XG: variants seen among roughly 807,000 people sequenced by gnomAD.
The protein encoded by XG is glycoprotein Xg.
A neutral mutation model predicts 25.7 loss-of-function variants in XG; 24 were observed. The ratio of observed to expected loss-of-function variants is 0.93; its 90% CI spans 0.68 to 1.31. The LOEUF (loss-of-function observed/expected upper bound fraction) is 1.31. XG is among the 40% of genes most tolerant of loss of function. The probability of loss-of-function intolerance (pLI) is 0.00; values close to 1 mark genes in which losing one functional copy is unlikely to be tolerated. For synonymous variants in XG, 77 were observed against 69.2 expected (o/e 1.11, Z -0.56); for missense variants, 181 against 187.6 (o/e 0.96, Z 0.21).
rs907653000 is a variant in XG at position 2,807,733 on chromosome X, G to T, written c.419-452G>T. 3.6e-5 allele frequency among the ~76,000 whole-genome samples: 4 copies of T among 112,401 alleles called. No homozygotes were observed. In the Admixed American group the frequency reaches 3.7e-4, roughly 11 times the overall value. ...TGTGTAAATGCATGTGTGTGTGCAC[G>T]TGTGTATGCGTGCTTGTCTGCCTGT... On this transcript the variant is annotated intron_variant, in intron 8 of 10. Coordinates refer to ENST00000644266, the MANE Select transcript of XG (RefSeq NM_001141919.2).
At chrX:2,774,209 C>A (rs1414496508) in intron 2 of XG, among the ~76,000 whole-genome samples, 5 of 152,152 alleles carry the variant, frequency 3.3e-5, no homozygotes, top group African/African-American at 1.2e-4. Flanking sequence ...CCTCGTCTGC[C>A]CATCCACACT....
rs1179667048 is a variant in XG, at chrX:2,786,260, C to CTTTTTTTTTTTTTTTTTTTTTT, written c.191-3367_191-3366insTTTTTTTTTTTTTTTTTTTTTT. Among the ~76,000 whole-genome samples, 24 of 60,567 alleles carry CTTTTTTTTTTTTTTTTTTTTTT rather than the reference C, an allele frequency of 4.0e-4. 2 individuals carry two copies. The highest frequency in any genetic ancestry group is 9.8e-4 in the African/African-American group (14 of 14,217). The allele number at this position is 60,567 out of a possible 115,157, so 52.6% of individuals were successfully genotyped here. A position where few individuals can be genotyped will look rare whatever the true frequency, so the allele number is the denominator to read the frequency against. On this transcript the variant is annotated intron_variant, in intron 4 of 10. Coordinates refer to ENST00000644266, the MANE Select transcript of XG (RefSeq NM_001141919.2). ...CCCCAGCAGCTCCTATCCATGTTGT[C>CTTTTTTTTTTTTTTTTTTTTTT]TTTTTTTTTTTTTTTTTCAGACAGA...
In XG at chrX:2,809,585, A is replaced by G. The variant is rs1447880605; in HGVS notation, c.454+1365A>G. On this transcript the variant is annotated intron_variant, in intron 9 of 10. Transcript: ENST00000644266. ...ATCAGTCAGCTATGCTGTGTCACAA[A>G]AAACCCCAAAACTTAGTAGCTGGAA... is the stretch of plus-strand genomic sequence containing the variant. Among the ~76,000 whole-genome samples the G allele has an allele frequency of 7.1e-5, 8 of 112,317 alleles. No homozygotes were observed. The Admixed American group carries it at 7.5e-4, about 11-fold the overall frequency.
rs311114 is a variant in XG at position 2,756,706 on chromosome X, G to A, written c.61+4371G>A. 8.4e-4 allele frequency among the ~76,000 whole-genome samples: 128 copies of A among 151,956 alleles called. 1 individual carries two copies. In the South Asian group the frequency reaches 0.026, roughly 31 times the overall value. On this transcript the variant is annotated intron_variant, in intron 1 of 10. Transcript: ENST00000644266. ...ATTTGAAACCTGAGAGTTCCCTGACGCCCCCTCACAGGATGTGCAACAGGG... is the reference window on the plus strand; with the variant it reads ...ATTTGAAACCTGAGAGTTCCCTGACACCCCCTCACAGGATGTGCAACAGGG...
chrX:2,804,340 A>G (rs765774289), intron 7 of XG, among the ~76,000 whole-genome samples: 1 of 112,715 alleles, frequency 8.9e-6, no homozygotes, highest in East Asian at 2.8e-4. Context: ...GGTTAGAAGC[A>G]AGATAGAGTC....
intron 3 of XG, among the ~76,000 whole-genome samples, chrX:2,776,273 T>C (rs1010858520): frequency 9.2e-5 from 14 of 152,112 alleles, no homozygotes; most frequent in Non-Finnish European, 1.6e-4. Flanking sequence ...GGGGGTCTAG[T>C]GAAAACCATT....
At chrX:2,783,655 C>T (rs1003605202) in intron 4 of XG, among the ~76,000 whole-genome samples, 3 of 112,155 alleles carry the variant, frequency 2.7e-5, no homozygotes, top group Non-Finnish European at 5.6e-5. Flanking sequence ...AGACCAAGAC[C>T]CAAGGGAGGT....
chrX:2,764,135 T>C (rs311129), intron 1 of XG, among the ~76,000 whole-genome samples: 1 of 152,174 alleles, frequency 6.6e-6, no homozygotes, highest in Non-Finnish European at 1.5e-5. Flanking sequence ...GGTCCTCACT[T>C]GTGTCTTCCC....
intron 5 of XG, among the ~76,000 whole-genome samples, chrX:2,791,179 C>G: frequency 9.1e-6 from 1 of 110,377 alleles, no homozygotes; most frequent in Non-Finnish European, 1.9e-5. Flanking sequence ...TTGTGTCTCA[C>G]GAACGTGAGA....
chrX:2,770,229 T>C (rs1230827170), intron 1 of XG, among the ~76,000 whole-genome samples: 1 of 152,044 alleles, frequency 6.6e-6, no homozygotes, highest in Non-Finnish European at 1.5e-5. Context: ...ATACCACATA[T>C]TGTAGAATTC....
intron 4 of XG, among the ~76,000 whole-genome samples, chrX:2,787,638 G>C (rs1158717782): frequency 3.6e-5 from 4 of 111,382 alleles, no homozygotes; most frequent in African/African-American, 1.3e-4. Flanking sequence ...TGGGCGTGGT[G>C]GCTCATGCCT....
At position 2,756,921 on chromosome X, in the gene XG, C is replaced by T. The variant is rs188485316; in HGVS notation, c.61+4586C>T. Among the ~76,000 whole-genome samples the T allele has an allele frequency of 1.1e-3, 163 of 152,302 alleles. 1 individual carries two copies. The highest frequency in any genetic ancestry group is 1.9e-3 in the Admixed American group (29 of 15,296). The stretch of plus-strand genomic sequence containing the variant: ...ACGGTGCTCTTTTAGCTCTGCCATC[C>T]GCACGTGGCTTAAGTGTTAGCCAGC... On this transcript the variant is annotated intron_variant, in intron 1 of 10. Transcript: ENST00000644266.
intron 1 of XG, among the ~76,000 whole-genome samples, chrX:2,753,559 A>G (rs1412343138): frequency 6.6e-6 from 1 of 151,922 alleles, no homozygotes; most frequent in Non-Finnish European, 1.5e-5. Context: ...CGAAAACTGT[A>G]CTTTGAGTAC....
At chrX:2,759,922 C>A (rs1339093980) in intron 1 of XG, among the ~76,000 whole-genome samples, 1 of 152,174 alleles carries the variant, frequency 6.6e-6, no homozygotes, top group Non-Finnish European at 1.5e-5. Context: ...CTGCTGTAGT[C>A]TGTGAATCCC....
At chrX:2,786,826 T>C (rs2086788763) in intron 4 of XG, among the ~76,000 whole-genome samples, 1 of 111,257 alleles carries the variant, frequency 9.0e-6, no homozygotes, top group African/African-American at 3.3e-5. Context: ...GGAAAGATTA[T>C]ATGAAGACAC....
rs192985622 is a variant in XG at position 2,777,990 on chromosome X, G to T, written c.127+3251G>T. ...GTGAAAATAGCTGGAAAAAAAATGCGCAAAGCAAATAACCAATAGAAAGAA... is the reference window on the plus strand; with the variant it reads ...GTGAAAATAGCTGGAAAAAAAATGCTCAAAGCAAATAACCAATAGAAAGAA... On this transcript the variant is annotated intron_variant, in intron 3 of 10. Transcript: ENST00000644266. Among the ~76,000 whole-genome samples, 474 of 152,264 alleles carry T rather than the reference G, an allele frequency of 3.1e-3. 2 individuals are homozygous for T. The highest frequency in any genetic ancestry group is 4.8e-3 in the Non-Finnish European group (324 of 68,024).
chrX:2,801,591 A>G (rs1366703939), intron 7 of XG, among the ~76,000 whole-genome samples: 1 of 112,055 alleles, frequency 8.9e-6, no homozygotes, highest in African/African-American at 3.2e-5. Context: ...TGGGGCTGAC[A>G]AAGAGGAGGG....
At chrX:2,779,348 A>G (rs2051070723) in intron 3 of XG, among the ~76,000 whole-genome samples, 1 of 144,102 alleles carries the variant, frequency 6.9e-6, no homozygotes, top group Admixed American at 6.9e-5. Flanking sequence ...AAAAAAAAAA[A>G]GCATAACCTT....
chrX:2,812,447 G>A (rs1160907758), intron 10 of XG, among the ~76,000 whole-genome samples: 1 of 111,150 alleles, frequency 9.0e-6, no homozygotes, highest in Non-Finnish European at 1.9e-5. Flanking sequence ...GGCCACCCAC[G>A]TCAGAATCTG....
Sources: allele counts gnomAD v4.1 joint callset (sites outside exome capture counted in the v4.1 genomes callset), GRCh38; gene constraint gnomAD v4.1.1; transcripts MANE v1.5; gene names NCBI Gene and HGNC (gene_info 2026-07-23, HGNC 2026-07-21).